Variants in CCDC148 observed in about 807,000 individuals in gnomAD.
CCDC148 encodes coiled-coil domain containing 148, also known as coiled-coil domain-containing protein 148.
Under a neutral mutation model 85.7 loss-of-function variants are expected in CCDC148, and 89 were observed. The observed-to-expected ratio is 1.04, with a 90% CI of 0.87 to 1.24. The LOEUF is 1.24. Ranked by LOEUF, CCDC148 falls within the 50% of genes most tolerant of loss-of-function variation. The probability of loss-of-function intolerance (pLI) is 0.00; values close to 1 mark genes in which losing one functional copy is unlikely to be tolerated. For synonymous variants in CCDC148, 230 were observed against 213.9 expected (o/e 1.08, Z -0.66); for missense variants, 692 against 671.7 (o/e 1.03, Z -0.33).
chr2:158,205,314 C>T (rs894089688), intron 11 of CCDC148, among the ~76,000 whole-genome samples: 1 of 151,980 alleles, frequency 6.6e-6, no homozygotes, highest in African/African-American at 2.4e-5. Context: ...ATCCTGTTGT[C>T]ATTTACAGAA....
chr2:158,435,282 G>A (rs1233674020), intron 1 of CCDC148, among the ~76,000 whole-genome samples: 1 of 152,206 alleles, frequency 6.6e-6, no homozygotes, highest in Non-Finnish European at 1.5e-5. Context: ...AGATCTCTCG[G>A]CAGAAACTCT....
chr2:158,237,145 G>A (rs1056171268), intron 10 of CCDC148, among the ~76,000 whole-genome samples: 1 of 152,150 alleles, frequency 6.6e-6, no homozygotes, highest in Non-Finnish European at 1.5e-5. Context: ...TGTTCATGGA[G>A]TAGGAAGTAG....
At chr2:158,369,307 A>G (rs1357289252) in intron 1 of CCDC148, among the ~76,000 whole-genome samples, 2 of 152,264 alleles carry the variant, frequency 1.3e-5, no homozygotes, top group African/African-American at 4.8e-5. Flanking sequence ...ATCCATGAGC[A>G]TGGAATGTTT....
At chr2:158,267,884 A>T (rs1238550429) in intron 9 of CCDC148, among the ~76,000 whole-genome samples, 1 of 152,116 alleles carries the variant, frequency 6.6e-6, no homozygotes, top group East Asian at 1.9e-4. Flanking sequence ...ACTTAGCATA[A>T]TGTATCTGAT....
chr2:158,408,845 C>T (rs1686136609), intron 1 of CCDC148, among the ~76,000 whole-genome samples: 1 of 151,980 alleles, frequency 6.6e-6, no homozygotes, highest in African/African-American at 2.4e-5. Flanking sequence ...ACATCCTCAC[C>T]AACTTTCTGA....
At chr2:158,281,729 AC>A (rs1414698046) in intron 9 of CCDC148, among the ~76,000 whole-genome samples, 5 of 152,320 alleles carry the variant, frequency 3.3e-5, no homozygotes, top group African/African-American at 9.6e-5. Context: ...TCCTTCTGAA[AC>A]AATTCCAATC....
chr2:158,341,211 T>A (rs1301686265), intron 3 of CCDC148, among the ~76,000 whole-genome samples: 1 of 152,134 alleles, frequency 6.6e-6, no homozygotes, highest in Non-Finnish European at 1.5e-5. Context: ...CATACGTATG[T>A]GTACGTACAT....
In CCDC148 at chr2:158,337,309, G is replaced by A. The variant is rs550047538; in HGVS notation, c.764+1417C>T. On this transcript the variant is annotated intron_variant, in intron 7 of 13. Transcript: ENST00000283233. ...CCAGCCAACTTGCTTTAAATGATAG[G>A]GTCAGATTTACCCTCTTCACAGCTA... Among the ~76,000 whole-genome samples the A allele has an allele frequency of 2.0e-3, 311 of 152,038 alleles. 1 individual carries two copies. The highest frequency in any genetic ancestry group is 3.8e-3 in the Non-Finnish European group (258 of 67,978).
intron 1 of CCDC148, among the ~76,000 whole-genome samples, chr2:158,367,788 A>G (rs1416549048): frequency 2.6e-5 from 4 of 152,186 alleles, no homozygotes; most frequent in Admixed American, 2.6e-4. Context: ...TATATAAATC[A>G]TGTATAATTT....
At chr2:158,264,079 T>A (rs1408312905) in intron 9 of CCDC148, among the ~76,000 whole-genome samples, 2 of 151,886 alleles carry the variant, frequency 1.3e-5, no homozygotes, top group Non-Finnish European at 2.9e-5. Flanking sequence ...ACTTTTTTTT[T>A]AATGAGAATA....
intron 9 of CCDC148, among the ~76,000 whole-genome samples, chr2:158,267,539 C>G (rs1181301210): frequency 6.6e-6 from 1 of 152,182 alleles, no homozygotes; most frequent in East Asian, 1.9e-4. Flanking sequence ...TGTTTTACAT[C>G]TACCCCTAGG....
intron 1 of CCDC148, among the ~76,000 whole-genome samples, chr2:158,372,566 T>C (rs1684488818): frequency 6.6e-6 from 1 of 152,056 alleles, no homozygotes; most frequent in Non-Finnish European, 1.5e-5. Flanking sequence ...TACCTGGACT[T>C]GATGTAAGAG....
At chr2:158,422,725 T>C (rs936849776) in intron 1 of CCDC148, among the ~76,000 whole-genome samples, 1 of 152,182 alleles carries the variant, frequency 6.6e-6, no homozygotes, top group Non-Finnish European at 1.5e-5. Flanking sequence ...TATTGGAAGT[T>C]CTGGCCCGAG....
intron 1 of CCDC148, among the ~76,000 whole-genome samples, chr2:158,446,820 A>G (rs1169954743): frequency 6.6e-6 from 1 of 152,086 alleles, no homozygotes; most frequent in African/African-American, 2.4e-5. Flanking sequence ...TTCTATCTCC[A>G]TATTTTTTCC....
intron 12 of CCDC148, among the ~76,000 whole-genome samples, chr2:158,177,616 A>G (rs535828168): frequency 2.1e-4 from 32 of 152,290 alleles, no homozygotes; most frequent in African/African-American, 7.5e-4. Flanking sequence ...GTTCAGTAAT[A>G]GTGACATTAA....
At chr2:158,177,585 T>C (rs1341214118) in intron 12 of CCDC148, among the ~76,000 whole-genome samples, 1 of 152,120 alleles carries the variant, frequency 6.6e-6, no homozygotes, top group Non-Finnish European at 1.5e-5. Context: ...GTTATCAAAG[T>C]TATGTTTTGA....
At chr2:158,361,493 AG>A (rs1683944399) in intron 1 of CCDC148, among the ~76,000 whole-genome samples, 1 of 152,220 alleles carries the variant, frequency 6.6e-6, no homozygotes, top group South Asian at 2.1e-4. Flanking sequence ...AAACCCTACA[AG>A]CCAGAATACA....
chr2:158,198,208 T>G (rs1046141791), intron 11 of CCDC148, among the ~76,000 whole-genome samples: 7 of 152,196 alleles, frequency 4.6e-5, no homozygotes, highest in Non-Finnish European at 7.3e-5. Context: ...CTACCTGGTT[T>G]AAGTGCTACT....
chr2:158,235,219 C>T (rs1481571925), intron 10 of CCDC148, among the ~76,000 whole-genome samples: 2 of 152,088 alleles, frequency 1.3e-5, no homozygotes, highest in African/African-American at 4.8e-5. Flanking sequence ...AATGTCTGGC[C>T]AAGGAAATTA....
Sources: allele counts gnomAD v4.1 joint callset (sites outside exome capture counted in the v4.1 genomes callset), GRCh38; gene constraint gnomAD v4.1.1; transcripts MANE v1.5; gene names NCBI Gene and HGNC (gene_info 2026-07-23, HGNC 2026-07-21).